ZNF85: variants seen among roughly 807,000 people sequenced by gnomAD.
ZNF85 encodes the protein zinc finger protein 85 (HPF4, HTF1).
Under a neutral mutation model 53.9 loss-of-function variants are expected in ZNF85, and 50 were observed. The observed-to-expected ratio is 0.93, with a 90% confidence interval of 0.74 to 1.17. The LOEUF is 1.17. Among genes scored for constraint, ZNF85 ranks in the 50% most tolerant of loss-of-function variants. The probability of loss-of-function intolerance (pLI) is 0.00; values close to 1 mark genes in which losing one functional copy is unlikely to be tolerated. For missense variants in ZNF85, 747 were observed against 688.5 expected, an observed-to-expected ratio of 1.08 and a Z score of -0.95; for synonymous variants, 225 against 226.1, an observed-to-expected ratio of 1.00 and a Z score of 0.04.
In ZNF85 at chr19:20,941,762, A is replaced by G. The variant is rs544442819; in HGVS notation, c.229+6715A>G. 1.2e-4 allele frequency among the ~76,000 whole-genome samples: 18 copies of G among 152,278 alleles called. 1 individual carries two copies. Among genetic ancestry groups the G allele is most frequent in the African/African-American group, 3.6e-4 (15 of 41,556 alleles). On this transcript the variant is annotated intron_variant, in intron 3 of 3. Coordinates refer to ENST00000328178, the MANE Select transcript of ZNF85 (RefSeq NM_003429.5). ...ATTTCCTAGGAGGCATTGTCACTCTATTGAATGTTTTCTTTGATGCGCAGA... is the reference window on the plus strand; with the variant it reads ...ATTTCCTAGGAGGCATTGTCACTCTGTTGAATGTTTTCTTTGATGCGCAGA...
chr19:20,923,697 AG>A (rs35892955), intron 1 of ZNF85, among the ~76,000 whole-genome samples: 15,823 of 152,078 alleles, frequency 0.1, 904 homozygotes, highest in Non-Finnish European at 0.13. Context: ...GGACCACGGG[AG>A]GGTTGTCAGG....
In ZNF85 at chr19:20,929,102, C is replaced by CT. The variant is rs892287984; in HGVS notation, c.4-4909dup. On this transcript the variant is annotated intron_variant, in intron 1 of 3. Coordinates refer to ENST00000328178, the MANE Select transcript of ZNF85 (RefSeq NM_003429.5). The stretch of plus-strand genomic sequence containing the variant: ...TGTACGTGTTCTTATTTAGCTCTTA[C>CT]TTTTTTTTTTTTTGAGATAGAGTCT... 2.8e-3 allele frequency among the ~76,000 whole-genome samples: 403 copies of CT among 142,822 alleles called. 1 individual carries two copies. Among genetic ancestry groups the CT allele is most frequent in the East Asian group, 9.4e-3 (47 of 4,978 alleles). The allele number at this position is 142,822 out of a possible 152,430, so 93.7% of individuals were successfully genotyped here. A position where few individuals can be genotyped will look rare whatever the true frequency, so the allele number is the denominator to read the frequency against.
Position 20,949,340 on chromosome 19 carries a change from C to T in ZNF85, c.826C>T (p.His276Tyr). Residue 276 changes from histidine (H) to tyrosine (Y), a missense_variant, in exon 4 of 4, where the codon CAT becomes TAT. By Grantham distance (83) the His-to-Tyr change is moderately conservative. Transcript: ENST00000328178. Reference sequence around the variant, plus strand: ...TAACCGATTCTCAACTCTTACTACCCATAAGATAATTCATACTGGAGAGAA... The same window carrying T: ...TAACCGATTCTCAACTCTTACTACCTATAAGATAATTCATACTGGAGAGAA... ...TFNRFSTLTT[H>Y]KIIHTGEKPY... The T allele has an allele frequency of 1.2e-6, 2 of 1,608,982 alleles. No individual in the cohort carries two copies. The highest frequency in any genetic ancestry group is 1.7e-6 in the Non-Finnish European group (2 of 1,176,882).
chr19:20,950,355 T>C lies in ZNF85; in HGVS notation c.*53T>C, dbSNP rs907583482. 3.1e-6 allele frequency: 4 copies of C among 1,290,594 alleles called. No individual in the cohort carries two copies. The highest frequency in any genetic ancestry group is 1.7e-5 in the South Asian group (1 of 58,010). The allele number at this position is 1,290,594 out of a possible 1,614,324, so 79.9% of individuals were successfully genotyped here. On this transcript the variant is annotated 3_prime_UTR_variant, in exon 4 of 4. Coordinates refer to ENST00000328178, the MANE Select transcript of ZNF85 (RefSeq NM_003429.5). ...ACAAGTCTTACTAAACATAAGAAAATTTATACTGGAGAGAAACTACTAACC... is the reference window on the plus strand; with the variant it reads ...ACAAGTCTTACTAAACATAAGAAAACTTATACTGGAGAGAAACTACTAACC...
intron 3 of ZNF85, chr19:20,946,456 G>T: frequency 6.1e-6 from 2 of 325,400 alleles, no homozygotes; most frequent in South Asian, 2.6e-5. Flanking sequence ...TATTATTATA[G>T]AAAGTAGGTA....
At position 20,949,079 on chromosome 19, in the gene ZNF85, C is replaced by T. The variant is rs61734280; in HGVS notation, c.565C>T (p.Leu189=). 2.5e-3 allele frequency: 4,071 copies of T among 1,613,694 alleles called. 83 individuals are homozygous for T. In the African/African-American group the frequency reaches 0.045, roughly 18 times the overall value. The change falls in exon 4 of 4, where the codon CTA becomes TTA. Residue 189 remains leucine, a synonymous_variant. Coordinates refer to ENST00000328178, the MANE Select transcript of ZNF85 (RefSeq NM_003429.5). ...CGKSFGMISC[L]TEHSRIHTRV... Reference sequence around the variant, plus strand: ...CAAATCATTTGGCATGATTTCATGCCTAACTGAACATAGCAGAATTCATAC... The same window carrying T: ...CAAATCATTTGGCATGATTTCATGCTTAACTGAACATAGCAGAATTCATAC...
intron 3 of ZNF85, among the ~76,000 whole-genome samples, chr19:20,947,270 A>G (rs1054379984): frequency 2.0e-5 from 3 of 151,722 alleles, no homozygotes; most frequent in Non-Finnish European, 4.4e-5. Flanking sequence ...AAGTACATTA[A>G]TGAGTGTTTA....
At chr19:20,937,590 C>T (rs1235970644) in intron 3 of ZNF85, among the ~76,000 whole-genome samples, 1 of 152,110 alleles carries the variant, frequency 6.6e-6, no homozygotes, top group Non-Finnish European at 1.5e-5. Context: ...TTTCTGCAGT[C>T]GAGTCTGCTA....
At chr19:20,937,957 G>A (rs577097129) in intron 3 of ZNF85, among the ~76,000 whole-genome samples, 6 of 152,216 alleles carry the variant, frequency 3.9e-5, no homozygotes, top group Admixed American at 6.5e-5. Context: ...CCTGCCTTCC[G>A]AAACGGATAC....
chr19:20,934,838 A>G, intron 2 of ZNF85, 111 bp from the exon 3 acceptor site: 1 of 585,148 alleles, frequency 1.7e-6, no homozygotes, highest in Non-Finnish European at 2.8e-6. Context: ...ATATTTGAAA[A>G]TGTCTGTTAT....
Position 20,950,049 on chromosome 19 carries a change from G to T in ZNF85, c.1535G>T (p.Cys512Phe). The T allele has an allele frequency of 6.2e-7, 1 of 1,613,050 alleles. No homozygotes were observed. Among genetic ancestry groups the T allele is most frequent in the Non-Finnish European group, 8.5e-7 (1 of 1,179,752 alleles). The change falls in exon 4 of 4, where the codon TGT (cysteine) becomes TTT (phenylalanine). Residue 512 changes from cysteine to phenylalanine, a missense_variant. By Grantham distance (205) the Cys-to-Phe change is radical (BLOSUM62 -2). Coordinates refer to ENST00000328178, the MANE Select transcript of ZNF85 (RefSeq NM_003429.5). The stretch of plus-strand genomic sequence containing the variant: ...CATACTGGAGAGAAACCATACAAAT[G>T]TGAAGAATGTGGCAAAGCTTTTAAC... ...IIHTGEKPYKCEECGKAFNQS... is the reference protein window; with the variant it reads ...IIHTGEKPYKFEECGKAFNQS...
intron 2 of ZNF85, 94 bp from the exon 3 acceptor site, chr19:20,934,855 G>GTAT: frequency 1.6e-6 from 1 of 622,948 alleles, no homozygotes; most frequent in Non-Finnish European, 2.6e-6. Flanking sequence ...TTATAAATTA[G>GTAT]TATTTTGGGA....
chr19:20,949,114 T>G lies in ZNF85; in HGVS notation c.600T>G (p.Asn200Lys). ...ATAGCAGAATTCATACTAGAGTAAATTTCTACAAATGTGAAGAATGTGGAA... is the reference window on the plus strand; with the variant it reads ...ATAGCAGAATTCATACTAGAGTAAAGTTCTACAAATGTGAAGAATGTGGAA... ...TEHSRIHTRV[N>K]FYKCEECGKA... Residue 200 changes from asparagine to lysine, a missense_variant, in exon 4 of 4, where the codon AAT (asparagine) becomes AAG (lysine). Transcript: ENST00000328178. 1.2e-6 allele frequency: 2 copies of G among 1,613,464 alleles called. No homozygotes were observed. Among genetic ancestry groups the G allele is most frequent in the African/African-American group, 2.7e-5 (2 of 74,988 alleles).
intron 3 of ZNF85, among the ~76,000 whole-genome samples, chr19:20,937,651 CAG>C (rs1307368544): frequency 6.6e-6 from 1 of 152,096 alleles, no homozygotes; most frequent in Non-Finnish European, 1.5e-5. Context: ...CACTGAATAC[CAG>C]AGAGCATTTC....
chr19:20,947,860 G>A (rs1973460982), intron 3 of ZNF85, among the ~76,000 whole-genome samples: 1 of 151,288 alleles, frequency 6.6e-6, no homozygotes, highest in Non-Finnish European at 1.5e-5. Context: ...ATTGTTGTCT[G>A]TGTTTCTATT....
chr19:20,942,421 C>T (rs1973319037), intron 3 of ZNF85, among the ~76,000 whole-genome samples: 4 of 152,048 alleles, frequency 2.6e-5, no homozygotes, highest in African/African-American at 4.8e-5. Context: ...GGATTACAGA[C>T]GTGAGCCACC....
At chr19:20,933,878 A>G in intron 1 of ZNF85, 146 bp from the exon 2 acceptor site, 3 of 827,010 alleles carry the variant, frequency 3.6e-6, no homozygotes, top group Non-Finnish European at 3.4e-6. Context: ...TCACTCCTGT[A>G]AGTCAGAAAC....
intron 3 of ZNF85, among the ~76,000 whole-genome samples, chr19:20,936,209 A>T (rs1166186701): frequency 1.4e-5 from 2 of 146,158 alleles, no homozygotes; most frequent in East Asian, 4.0e-4. Context: ...TGTACTATTC[A>T]TGGTTTTCTA....
chr19:20,929,280 C>T (rs1972953051), intron 1 of ZNF85, among the ~76,000 whole-genome samples: 1 of 152,054 alleles, frequency 6.6e-6, no homozygotes, highest in East Asian at 1.9e-4. Flanking sequence ...CCTCCGCCTC[C>T]CAGGTTCAAG....
Sources: allele counts gnomAD v4.1 joint callset (sites outside exome capture counted in the v4.1 genomes callset), GRCh38; gene constraint gnomAD v4.1.1; transcripts MANE v1.5; gene names NCBI Gene and HGNC (gene_info 2026-07-23, HGNC 2026-07-21).